Variants in ADAMTSL1 observed in about 807,000 individuals in gnomAD.
The protein encoded by ADAMTSL1 is ADAMTS like 1.
Under a neutral mutation model 201.8 loss-of-function variants are expected in ADAMTSL1, and 126 were observed. The observed-to-expected ratio is 0.62, with a 90% CI of 0.54 to 0.72. The LOEUF (loss-of-function observed/expected upper bound fraction) is 0.72. ADAMTSL1 is among the 30% of genes least tolerant of loss of function. ADAMTSL1 has a pLI of 0.00. For synonymous variants in ADAMTSL1, 1,121 were observed against 903.4 expected, an observed-to-expected ratio of 1.24 and a Z score of -4.32; for missense variants, 2,679 against 2,277.8, an observed-to-expected ratio of 1.18 and a Z score of -3.59.
At chr9:18,673,917 T>C (rs905137186) in intron 9 of ADAMTSL1, among the ~76,000 whole-genome samples, 3 of 152,098 alleles carry the variant, frequency 2.0e-5, no homozygotes, top group African/African-American at 7.2e-5. Context: ...TTCTTTAAAA[T>C]ATAGTCCTTT....
chr9:18,418,253 G>T (rs1422235340), intron 2 of ADAMTSL1, among the ~76,000 whole-genome samples: 1 of 152,162 alleles, frequency 6.6e-6, no homozygotes, highest in Non-Finnish European at 1.5e-5. Flanking sequence ...GTCACTACAG[G>T]TAACATCAAA....
chr9:18,299,710 C>G (rs1321043123), intron 2 of ADAMTSL1, among the ~76,000 whole-genome samples: 1 of 152,162 alleles, frequency 6.6e-6, no homozygotes, highest in African/African-American at 2.4e-5. Context: ...CGAGAGTCTC[C>G]AAGTGTTACA....
At chr9:18,222,026 C>T (rs1297357280) in intron 2 of ADAMTSL1, among the ~76,000 whole-genome samples, 1 of 151,842 alleles carries the variant, frequency 6.6e-6, no homozygotes, top group Non-Finnish European at 1.5e-5. Context: ...GTTATATAAC[C>T]ATTTATACCC....
At chr9:18,410,464 G>C (rs993847174) in intron 2 of ADAMTSL1, among the ~76,000 whole-genome samples, 1 of 152,158 alleles carries the variant, frequency 6.6e-6, no homozygotes, top group Admixed American at 6.5e-5. Flanking sequence ...TTACAAGTGA[G>C]AACATGTGGT....
chr9:18,754,653 T>C (rs1422522812), intron 16 of ADAMTSL1, among the ~76,000 whole-genome samples: 1 of 152,208 alleles, frequency 6.6e-6, no homozygotes, highest in Non-Finnish European at 1.5e-5. Context: ...CTCCTAATCA[T>C]TTGGCAGAGC....
intron 4 of ADAMTSL1, among the ~76,000 whole-genome samples, chr9:18,600,418 C>G (rs1209552038): frequency 6.6e-6 from 1 of 152,192 alleles, no homozygotes; most frequent in Non-Finnish European, 1.5e-5. Context: ...GAACTCAGAT[C>G]TGTCTGACCC....
chr9:18,283,375 C>T (rs1303697133), intron 2 of ADAMTSL1, among the ~76,000 whole-genome samples: 5 of 151,688 alleles, frequency 3.3e-5, no homozygotes, highest in Admixed American at 6.6e-5. Context: ...GAGGCCAAGG[C>T]AGGAGGATCA....
rs148506823 is a variant in ADAMTSL1, at chr9:18,601,896, T to C, written c.475-20347T>C. Among the ~76,000 whole-genome samples, 10 of 152,200 alleles carry C rather than the reference T, an allele frequency of 6.6e-5. No individual in the cohort carries two copies. In the East Asian group the frequency reaches 1.9e-3, roughly 29 times the overall value. The stretch of plus-strand genomic sequence containing the variant: ...ATAGTAAAATAATTTGACAGAAGGT[T>C]CTTAGAACTTTTAAAAATGACATTT... On this transcript the variant is annotated intron_variant, in intron 4 of 28. Transcript: ENST00000380548.
At chr9:18,866,620 C>CCTGATGTGA (rs1200397488) in intron 23 of ADAMTSL1, among the ~76,000 whole-genome samples, 1 of 152,174 alleles carries the variant, frequency 6.6e-6, no homozygotes, top group African/African-American at 2.4e-5. Context: ...AGGTCACTGT[C>CCTGATGTGA]CTGATGTGAA....
chr9:18,651,631 G>A (rs1485960710), intron 7 of ADAMTSL1, among the ~76,000 whole-genome samples: 2 of 152,190 alleles, frequency 1.3e-5, no homozygotes, highest in Non-Finnish European at 2.9e-5. Flanking sequence ...CATATCTATA[G>A]TTGGAAAATT....
At chr9:18,382,000 A>G (rs991133857) in intron 2 of ADAMTSL1, among the ~76,000 whole-genome samples, 1 of 152,196 alleles carries the variant, frequency 6.6e-6, no homozygotes, top group Non-Finnish European at 1.5e-5. Context: ...TTCCTGTACT[A>G]CATCTTGGCT....
chr9:17,916,817 T>G (rs1826113917), intron 1 of ADAMTSL1, among the ~76,000 whole-genome samples: 1 of 152,182 alleles, frequency 6.6e-6, no homozygotes, highest in Non-Finnish European at 1.5e-5. Flanking sequence ...AATTAAAAGA[T>G]GCATGCGGGG....
intron 4 of ADAMTSL1, among the ~76,000 whole-genome samples, chr9:18,613,030 G>T (rs575682823): frequency 5.3e-5 from 8 of 151,878 alleles, no homozygotes; most frequent in African/African-American, 1.9e-4. Flanking sequence ...AAAAAACAAT[G>T]CCATTAAAAG....
intron 2 of ADAMTSL1, among the ~76,000 whole-genome samples, chr9:18,422,364 C>T (rs1353078202): frequency 1.3e-5 from 2 of 152,184 alleles, no homozygotes; most frequent in Non-Finnish European, 2.9e-5. Context: ...TTCCCTTCTT[C>T]TAGACCATGA....
chr9:18,646,271 A>G lies in ADAMTSL1; in HGVS notation c.834+6860A>G, dbSNP rs973612159. Among the ~76,000 whole-genome samples the G allele has an allele frequency of 3.3e-4, 51 of 152,274 alleles. 2 individuals carry two copies. The East Asian group carries it at 3.5e-3, about 10-fold the overall frequency. On this transcript the variant is annotated intron_variant, in intron 7 of 28. Coordinates refer to ENST00000380548, the MANE Select transcript of ADAMTSL1 (RefSeq NM_001040272.6). ...TGAGACTTTGCTGAAGTTGCTTATC[A>G]GCTTAAGGAGATTTTGGGCTGAGAC...
At chr9:18,128,898 G>C (rs1252955308) in intron 1 of ADAMTSL1, among the ~76,000 whole-genome samples, 2 of 152,052 alleles carry the variant, frequency 1.3e-5, no homozygotes, top group Non-Finnish European at 2.9e-5. Context: ...AGAATATCAA[G>C]GTATAAAATA....
intron 9 of ADAMTSL1, among the ~76,000 whole-genome samples, chr9:18,664,088 T>A (rs1829278561): frequency 6.6e-6 from 1 of 152,076 alleles, no homozygotes; most frequent in Non-Finnish European, 1.5e-5. Flanking sequence ...GTCAGGAAGC[T>A]GCTTTTTTTT....
chr9:18,786,112 T>A (rs1364390526), intron 19 of ADAMTSL1, among the ~76,000 whole-genome samples: 1 of 152,194 alleles, frequency 6.6e-6, no homozygotes, highest in Non-Finnish European at 1.5e-5. Context: ...AAGAATAATA[T>A]GAAACTAGAT....
Position 18,905,888 on chromosome 9 carries a change from C to A in ADAMTSL1, c.4958C>A (p.Pro1653Gln). The A allele has an allele frequency of 6.2e-7, 1 of 1,605,614 alleles. No homozygotes were observed. ...CCATCAGAGCAGTGCAGTGCTCTTC[C>A]GAGGTAAGAGAAAGCCCTGAATCTC... ...TLPSEQCSAL[P>Q]RPVSTQNCWS... Residue 1653 changes from proline (P) to glutamine (Q), a missense_variant, in exon 27 of 29, where the codon CCG becomes CAG. Coordinates refer to ENST00000380548, the MANE Select transcript of ADAMTSL1 (RefSeq NM_001040272.6).
Sources: allele counts gnomAD v4.1 joint callset (sites outside exome capture counted in the v4.1 genomes callset), GRCh38; gene constraint gnomAD v4.1.1; transcripts MANE v1.5; gene names NCBI Gene and HGNC (gene_info 2026-07-23, HGNC 2026-07-21).